Variants in SPATA13 observed in about 807,000 individuals in gnomAD.
The protein encoded by SPATA13 is spermatogenesis-associated protein 13.
In SPATA13, 50 loss-of-function variants were observed where a neutral mutation model predicts 104.0. The observed-to-expected ratio is 0.48, with a 90% confidence interval of 0.38 to 0.61. The LOEUF (loss-of-function observed/expected upper bound fraction) is 0.61. Among genes scored for constraint, SPATA13 ranks in the 20% least tolerant of loss-of-function variants. The pLI, the probability that SPATA13 is intolerant of heterozygous loss-of-function variation, is 0.00. For synonymous variants in SPATA13, 606 were observed against 667.5 expected (o/e 0.91, Z 1.42); for missense variants, 1,524 against 1,690.6 (o/e 0.90, Z 1.73).
intron 3 of SPATA13, among the ~76,000 whole-genome samples, chr13:24,090,069 A>G (rs946401572): frequency 6.6e-6 from 1 of 152,238 alleles, no homozygotes; most frequent in African/African-American, 2.4e-5. Context: ...TTAAGTTTCA[A>G]CACAAGAATT....
At chr13:23,987,105 G>C (rs369367554) in intron 2 of SPATA13, among the ~76,000 whole-genome samples, 1 of 128,194 alleles carries the variant, frequency 7.8e-6, no homozygotes, top group African/African-American at 2.9e-5. Context: ...TGAACTAGAG[G>C]ATTGAAACCT....
chr13:24,114,413 A>G (rs1354325904), intron 3 of SPATA13, among the ~76,000 whole-genome samples: 1 of 83,820 alleles, frequency 1.2e-5, no homozygotes, highest in Non-Finnish European at 3.0e-5. Flanking sequence ...ACACATGTAG[A>G]GCCTGTCCTA....
rs1882436134 is a variant in SPATA13 at position 24,160,749 on chromosome 13, T to A, written c.-295T>A. 1.0e-6 allele frequency: 1 copy of A among 982,848 alleles called. No homozygotes were observed. The highest frequency in any genetic ancestry group is 1.2e-6 in the Non-Finnish European group (1 of 829,470). The allele number at this position is 982,848 out of a possible 1,614,324, so 60.9% of individuals were successfully genotyped here. On this transcript the variant is annotated 5_prime_UTR_variant, in exon 1 of 13. Coordinates refer to ENST00000382108, the MANE Select transcript of SPATA13 (RefSeq NM_001166271.3). ...GTGCTGCCGCGGCGCGGGAGGAGAG[T>A]GTGCGTTGCGCTTTCTCCCGCGATC...
intron 3 of SPATA13, among the ~76,000 whole-genome samples, chr13:24,096,892 G>A (rs546757770): frequency 1.3e-5 from 2 of 152,298 alleles, no homozygotes; most frequent in South Asian, 2.1e-4. Context: ...CTCTTGCCCA[G>A]GTGTAAGGAG....
Position 24,205,939 on chromosome 13 carries a change from A to G in SPATA13, c.-111-16880A>G, listed in dbSNP as rs1870676294. Among the ~76,000 whole-genome samples, 1 of 152,244 alleles carries G rather than the reference A, an allele frequency of 6.6e-6. No homozygotes were observed. ...TACAAAAATCAACTCAAGATAAATT[A>G]AAGGCTTAAATGTAAAACCCCAAAC... is the stretch of plus-strand genomic sequence containing the variant. On this transcript the variant is annotated intron_variant, in intron 1 of 12. Transcript: ENST00000382108. This position sits in a 1 kb window ranked among gnomAD's most constrained non-coding sequence, Gnocchi z 4.1.
chr13:24,110,019 T>G (rs1366845593), intron 3 of SPATA13, among the ~76,000 whole-genome samples: 2 of 147,414 alleles, frequency 1.4e-5, no homozygotes, highest in Non-Finnish European at 3.0e-5. Flanking sequence ...TCTCGGATGC[T>G]CTTATGCTTT....
chr13:24,163,767 C>G (rs2138490869), intron 1 of SPATA13, among the ~76,000 whole-genome samples: 1 of 152,300 alleles, frequency 6.6e-6, no homozygotes, highest in Non-Finnish European at 1.5e-5. Flanking sequence ...GGCTCTAAGG[C>G]TTCTCTGGTT....
chr13:24,302,494 T>C, intron 12 of SPATA13, 104 bp from the exon 13 acceptor site: 1 of 456,162 alleles, frequency 2.2e-6, no homozygotes, highest in Admixed American at 3.3e-5. Flanking sequence ...AAAAAAGAAT[T>C]AGCTGAGAAC....
rs7325917 is a variant in SPATA13, at chr13:24,211,884, G to A, written c.-111-10935G>A. On this transcript the variant is annotated intron_variant, in intron 1 of 12. Coordinates refer to ENST00000382108, the MANE Select transcript of SPATA13 (RefSeq NM_001166271.3). ...TTAAGCTCCCTGCACCCCAACATCCGTCCTTTCTCTGGCATTAGAGCATCC... is the reference window on the plus strand; with the variant it reads ...TTAAGCTCCCTGCACCCCAACATCCATCCTTTCTCTGGCATTAGAGCATCC... Among the ~76,000 whole-genome samples the A allele has an allele frequency of 4.0e-5, 6 of 151,896 alleles. No homozygotes were observed. In the South Asian group the frequency reaches 6.2e-4, roughly 16 times the overall value.
chr13:24,304,344 G>C lies in SPATA13; in HGVS notation c.*1571G>C, dbSNP rs1283441260. 1 of 152,238 alleles carries C rather than the reference G, an allele frequency of 6.6e-6. No individual in the cohort carries two copies. The highest frequency in any genetic ancestry group is 1.5e-5 in the Non-Finnish European group (1 of 68,044). The allele number at this position is 152,238 out of a possible 1,614,324, so 9.4% of individuals were successfully genotyped here. On this transcript the variant is annotated 3_prime_UTR_variant, in exon 13 of 13. Transcript: ENST00000382108. ...CTTTTAACTATGTCTAGAGAAGGCAGGCTCTGCAAGAGAGGTGCCCTTTCA... is the reference window on the plus strand; with the variant it reads ...CTTTTAACTATGTCTAGAGAAGGCACGCTCTGCAAGAGAGGTGCCCTTTCA...
chr13:24,301,163 A>C lies in SPATA13; in HGVS notation c.3658+688A>C, dbSNP rs567609585. ...AATTCAGTAATAAGGATTTTTCCCC[A>C]AAAAATATGCACTGTATTCTTAGAA... On this transcript the variant is annotated intron_variant, in intron 12 of 12. Coordinates refer to ENST00000382108, the MANE Select transcript of SPATA13 (RefSeq NM_001166271.3). Among the ~76,000 whole-genome samples the C allele has an allele frequency of 1.2e-4, 18 of 152,276 alleles. No homozygotes were observed. In the East Asian group the frequency reaches 1.5e-3, roughly 13 times the overall value.
chr13:24,043,224 A>T (rs1243032866), intron 3 of SPATA13, among the ~76,000 whole-genome samples: 1 of 152,178 alleles, frequency 6.6e-6, no homozygotes, highest in Non-Finnish European at 1.5e-5. Flanking sequence ...CGCCTTGGAC[A>T]TGCGTCTTGG....
intron 3 of SPATA13, among the ~76,000 whole-genome samples, chr13:24,062,865 A>G (rs1878821723): frequency 6.6e-6 from 1 of 152,154 alleles, no homozygotes; most frequent in African/African-American, 2.4e-5. Flanking sequence ...CCAGGAAATT[A>G]CTTTGGAAAC....
chr13:24,178,897 C>T (rs759560095), intron 1 of SPATA13, among the ~76,000 whole-genome samples: 2 of 152,220 alleles, frequency 1.3e-5, no homozygotes, highest in Non-Finnish European at 2.9e-5. Context: ...TTTTCATCCC[C>T]TCCGAAAGGA....
rs766107269 is a variant in SPATA13 at position 24,286,970 on chromosome 13, C to T, written c.2667+20C>T. 1.9e-6 allele frequency: 3 copies of T among 1,608,178 alleles called. No individual in the cohort carries two copies. The South Asian group carries it at 3.3e-5, about 18-fold the overall frequency. On this transcript the variant is annotated intron_variant, in intron 7 of 12. Transcript: ENST00000382108. The surrounding 1 kb of genome is among the most constrained non-coding windows in gnomAD (Gnocchi z 4.9). Reference sequence around the variant, plus strand: ...TGTGAGGTGGGACGCCAGGCTGGGACCTCACTGAGGGTCACAGTATGAGGC... The same window carrying T: ...TGTGAGGTGGGACGCCAGGCTGGGATCTCACTGAGGGTCACAGTATGAGGC...
chr13:24,002,566 G>A (rs145134062), intron 2 of SPATA13, among the ~76,000 whole-genome samples: 58 of 152,246 alleles, frequency 3.8e-4, no homozygotes, highest in African/African-American at 1.4e-3. Context: ...GGGTGAGTGT[G>A]TTGGTCTTTG....
chr13:24,300,940 C>T (rs1201712584), intron 12 of SPATA13, among the ~76,000 whole-genome samples: 1 of 152,138 alleles, frequency 6.6e-6, no homozygotes, highest in Non-Finnish European at 1.5e-5. Flanking sequence ...TTCGGTACAT[C>T]AGGCAAGGAG....
intron 1 of SPATA13, among the ~76,000 whole-genome samples, chr13:24,190,020 C>T (rs1185722331): frequency 1.1e-3 from 8 of 7,314 alleles, no homozygotes; most frequent in East Asian, 0.013. Context: ...TATTATATAA[C>T]ATAATGATAT....
chr13:24,050,810 C>T (rs1878313309), intron 3 of SPATA13, among the ~76,000 whole-genome samples: 1 of 152,214 alleles, frequency 6.6e-6, no homozygotes, highest in Non-Finnish European at 1.5e-5. Flanking sequence ...ATGCCACCCA[C>T]CACGTGTGGT....
Sources: gnomAD v4.1 joint callset for allele counts (sites outside exome capture counted in the v4.1 genomes callset) on GRCh38, gnomAD v4.1.1 for gene constraint, Gnocchi (gnomAD v3.1) non-coding constraint, MANE v1.5 for transcripts, NCBI Gene and HGNC (gene_info 2026-07-23, HGNC 2026-07-21) for gene names.